The following PXDNL variants were observed in gnomAD, a reference collection of about 807,000 sequenced individuals.
PXDNL encodes the protein peroxidasin like, also known as probable oxidoreductase PXDNL.
PXDNL carries 145 observed loss-of-function variants against 150.8 expected under a neutral mutation model. That is an observed-to-expected ratio of 0.96 (90% CI 0.84 to 1.10). The LOEUF (loss-of-function observed/expected upper bound fraction) is 1.10. Among genes scored for constraint, PXDNL ranks in the 50% least tolerant of loss-of-function variants. The pLI, the probability that PXDNL is intolerant of heterozygous loss-of-function variation, is 0.00. For missense variants in PXDNL, 2,087 were observed against 1,873.9 expected (o/e 1.11, Z -2.10); for synonymous variants, 757 against 725.7 (o/e 1.04, Z -0.69).
At chr8:51,386,312 C>T (rs186736192) in intron 17 of PXDNL, among the ~76,000 whole-genome samples, 275 of 152,064 alleles carry the variant, frequency 1.8e-3, no homozygotes, top group Middle Eastern at 6.8e-3. Context: ...AGGCTGGTCT[C>T]GAACTCCTGA....
intron 4 of PXDNL, among the ~76,000 whole-genome samples, chr8:51,549,853 G>A (rs1432027081): frequency 6.6e-6 from 1 of 151,786 alleles, no homozygotes; most frequent in Non-Finnish European, 1.5e-5. Context: ...TAAATGAAAT[G>A]GAAACAAACA....
chr8:51,532,045 A>T (rs1263705192), intron 4 of PXDNL, among the ~76,000 whole-genome samples: 1 of 151,724 alleles, frequency 6.6e-6, no homozygotes, highest in African/African-American at 2.4e-5. Context: ...TCTTGTGTAG[A>T]TCAAGATTAT....
At chr8:51,329,176 G>A (rs77539640) in intron 21 of PXDNL, among the ~76,000 whole-genome samples, 4,796 of 152,222 alleles carry the variant, frequency 0.032, 239 homozygotes, top group African/African-American at 0.11. Context: ...TTTCATCAGA[G>A]GATGATAAAA....
intron 4 of PXDNL, among the ~76,000 whole-genome samples, chr8:51,511,385 C>G (rs1220068155): frequency 6.6e-6 from 1 of 152,162 alleles, no homozygotes; most frequent in Non-Finnish European, 1.5e-5. Context: ...AGAGTTAATA[C>G]AGCATACAAT....
chr8:51,648,279 T>C (rs1246012092), intron 2 of PXDNL, among the ~76,000 whole-genome samples: 1 of 152,208 alleles, frequency 6.6e-6, no homozygotes, highest in Admixed American at 6.5e-5. Context: ...GGAAAAGGGA[T>C]CTTCGGGGAT....
At chr8:51,462,403 T>A (rs920494695) in intron 8 of PXDNL, among the ~76,000 whole-genome samples, 1 of 152,036 alleles carries the variant, frequency 6.6e-6, no homozygotes, top group Admixed American at 6.5e-5. Flanking sequence ...AGGAAGCCAA[T>A]AGAATGACTC....
chr8:51,762,851 C>A (rs1190862424), intron 1 of PXDNL, among the ~76,000 whole-genome samples: 3 of 152,122 alleles, frequency 2.0e-5, no homozygotes, highest in East Asian at 1.9e-4. Flanking sequence ...CTTTTCATCA[C>A]CAGAAGCTAT....
At chr8:51,459,632 T>C (rs565632478) in intron 8 of PXDNL, among the ~76,000 whole-genome samples, 1 of 152,346 alleles carries the variant, frequency 6.6e-6, no homozygotes, top group South Asian at 2.1e-4. Flanking sequence ...TCATAAAACT[T>C]GTTTGCTCAT....
intron 2 of PXDNL, among the ~76,000 whole-genome samples, chr8:51,610,578 T>C (rs757723495): frequency 2.0e-5 from 3 of 152,168 alleles, no homozygotes; most frequent in Non-Finnish European, 4.4e-5. Context: ...TTACCGCCAA[T>C]TCAATTGCTG....
intron 17 of PXDNL, among the ~76,000 whole-genome samples, chr8:51,396,369 C>A (rs1038871096): frequency 6.6e-6 from 1 of 152,244 alleles, no homozygotes; most frequent in Non-Finnish European, 1.5e-5. Context: ...AGAGGCCTTC[C>A]CGACCAGAGT....
intron 1 of PXDNL, among the ~76,000 whole-genome samples, chr8:51,714,631 C>CAGA (rs1816571667): frequency 6.6e-6 from 1 of 151,994 alleles, no homozygotes; most frequent in Non-Finnish European, 1.5e-5. Flanking sequence ...CATTTTCACA[C>CAGA]AGAGAACAGT....
At chr8:51,557,487 C>T (rs1563463580) in intron 3 of PXDNL, among the ~76,000 whole-genome samples, 1 of 152,126 alleles carries the variant, frequency 6.6e-6, no homozygotes. Context: ...GCACTTTCTC[C>T]ATCGTTTTTC....
intron 3 of PXDNL, among the ~76,000 whole-genome samples, chr8:51,578,940 T>A (rs1374190908): frequency 6.6e-6 from 1 of 151,976 alleles, no homozygotes; most frequent in Non-Finnish European, 1.5e-5. Context: ...GCCTCACACC[T>A]TTTACAAAAA....
At chr8:51,733,816 T>C (rs1317719818) in intron 1 of PXDNL, among the ~76,000 whole-genome samples, 7 of 138,666 alleles carry the variant, frequency 5.0e-5, no homozygotes, top group Admixed American at 3.0e-4. Context: ...TCAAATAATA[T>C]ATATATATAT....
intron 1 of PXDNL, among the ~76,000 whole-genome samples, chr8:51,784,933 T>C (rs2037446957): frequency 6.6e-6 from 1 of 152,210 alleles, no homozygotes; most frequent in African/African-American, 2.4e-5. Flanking sequence ...ATATAGGTTT[T>C]GCTTATTGAA....
At position 51,600,492 on chromosome 8, in the gene PXDNL, G is replaced by A. The variant is rs893657450; in HGVS notation, c.237-7794C>T. Among the ~76,000 whole-genome samples the A allele has an allele frequency of 2.0e-3, 267 of 130,690 alleles. 4 individuals are homozygous for A. The highest frequency in any genetic ancestry group is 4.5e-3 in the African/African-American group (156 of 34,696). 85.7% of individuals were successfully genotyped at this position (130,690 alleles called of 152,430 possible). On this transcript the variant is annotated intron_variant, in intron 2 of 22. Transcript: ENST00000356297. ...AATTATATCTTATATAAATTATATC[G>A]TTTAGATAATAAATTATATCTTATA...
chr8:51,586,745 G>A (rs1390661667), intron 3 of PXDNL, among the ~76,000 whole-genome samples: 3 of 152,310 alleles, frequency 2.0e-5, no homozygotes, highest in Middle Eastern at 3.4e-3. Context: ...TGCAAGTGAC[G>A]CATTCAGCCA....
chr8:51,628,196 T>G (rs958749294), intron 2 of PXDNL, among the ~76,000 whole-genome samples: 1 of 152,060 alleles, frequency 6.6e-6, no homozygotes, highest in African/African-American at 2.4e-5. Flanking sequence ...CCTGTTTGCA[T>G]TTTTTGGCTG....
chr8:51,764,253 C>A (rs779453446), intron 1 of PXDNL, among the ~76,000 whole-genome samples: 1 of 151,904 alleles, frequency 6.6e-6, no homozygotes, highest in African/African-American at 2.4e-5. Context: ...TTTTAAAGAG[C>A]AAGCTTTTTT....
Sources: allele counts gnomAD v4.1 joint callset (sites outside exome capture counted in the v4.1 genomes callset), GRCh38; gene constraint gnomAD v4.1.1; transcripts MANE v1.5; gene names NCBI Gene and HGNC (gene_info 2026-07-23, HGNC 2026-07-21).